GALNTL6: variants seen among roughly 807,000 people sequenced by gnomAD.
The protein encoded by GALNTL6 is polypeptide N-acetylgalactosaminyltransferase-like 6.
A neutral mutation model predicts 73.7 loss-of-function variants in GALNTL6; 46 were observed. That is an observed-to-expected ratio of 0.62 (90% CI 0.49 to 0.80). The LOEUF is 0.80. Among genes scored for constraint, GALNTL6 ranks in the 30% least tolerant of loss-of-function variants. The probability of loss-of-function intolerance (pLI) is 0.00; values close to 1 mark genes in which losing one functional copy is unlikely to be tolerated. For synonymous variants in GALNTL6, 259 were observed against 263.7 expected (o/e 0.98, Z 0.17); for missense variants, 604 against 755.0 (o/e 0.80, Z 2.34).
chr4:172,846,385 T>A (rs1328592577), intron 7 of GALNTL6, among the ~76,000 whole-genome samples: 2 of 152,196 alleles, frequency 1.3e-5, no homozygotes, highest in African/African-American at 4.8e-5. Flanking sequence ...AACTGACTTA[T>A]AAACTGGCAT....
At chr4:172,256,879 C>T (rs1055333727) in intron 3 of GALNTL6, among the ~76,000 whole-genome samples, 7 of 151,328 alleles carry the variant, frequency 4.6e-5, no homozygotes, top group Non-Finnish European at 8.9e-5. Flanking sequence ...GCTTCATTCA[C>T]CTCTATATTC....
At chr4:172,803,686 T>C (rs1368866370) in intron 5 of GALNTL6, among the ~76,000 whole-genome samples, 1 of 152,344 alleles carries the variant, frequency 6.6e-6, no homozygotes, top group South Asian at 2.1e-4. Context: ...TGCAAAAGGG[T>C]GACATTCTAA....
chr4:171,822,172 G>T (rs1734704005), intron 2 of GALNTL6, among the ~76,000 whole-genome samples: 1 of 152,048 alleles, frequency 6.6e-6, no homozygotes, highest in African/African-American at 2.4e-5. Context: ...AGTTTGGCTG[G>T]ATTATTCGAG....
intron 8 of GALNTL6, among the ~76,000 whole-genome samples, chr4:172,916,303 A>G (rs1448399657): frequency 6.6e-6 from 1 of 152,216 alleles, no homozygotes; most frequent in Non-Finnish European, 1.5e-5. Context: ...CTGAATGGGC[A>G]AAAACTGGAA....
chr4:172,577,785 T>C (rs1056932360), intron 5 of GALNTL6, among the ~76,000 whole-genome samples: 1 of 152,162 alleles, frequency 6.6e-6, no homozygotes, highest in Non-Finnish European at 1.5e-5. Context: ...TCATTCATGA[T>C]TTCACCCAGA....
intron 8 of GALNTL6, among the ~76,000 whole-genome samples, chr4:172,898,560 A>C (rs2653823): frequency 0.015 from 2,207 of 152,186 alleles, 51 homozygotes; most frequent in African/African-American, 0.051. Context: ...CCATACAGAA[A>C]TCTCTTAAGT....
rs1488006585 is a variant in GALNTL6, at chr4:172,363,587, C to T, written c.553+14898C>T. ...TCATTCTTCATTACTACTATAGTACCCTCAATCAATACCATTGCAATTTTC... is the reference window on the plus strand; with the variant it reads ...TCATTCTTCATTACTACTATAGTACTCTCAATCAATACCATTGCAATTTTC... On this transcript the variant is annotated intron_variant, in intron 5 of 12. Coordinates refer to ENST00000506823, the MANE Select transcript of GALNTL6 (RefSeq NM_001034845.3). 4.6e-5 allele frequency among the ~76,000 whole-genome samples: 7 copies of T among 152,090 alleles called. No homozygotes were observed. The Middle Eastern group carries it at 0.017, about 370-fold the overall frequency.
At chr4:172,644,806 A>AT (rs1740165144) in intron 5 of GALNTL6, among the ~76,000 whole-genome samples, 1 of 151,934 alleles carries the variant, frequency 6.6e-6, no homozygotes, top group Non-Finnish European at 1.5e-5. Context: ...AGATACTGTT[A>AT]GTTTCCAAAG....
intron 2 of GALNTL6, among the ~76,000 whole-genome samples, chr4:172,165,481 A>T (rs1436663631): frequency 6.6e-6 from 1 of 152,210 alleles, no homozygotes; most frequent in Non-Finnish European, 1.5e-5. Flanking sequence ...AGAGAAACAC[A>T]TTCAATGACT....
At chr4:172,448,897 A>G (rs1322008195) in intron 5 of GALNTL6, among the ~76,000 whole-genome samples, 1 of 152,204 alleles carries the variant, frequency 6.6e-6, no homozygotes, top group Non-Finnish European at 1.5e-5. Context: ...AACACTGGGA[A>G]ATCAGATCTC....
At chr4:172,278,255 TG>T (rs1738904395) in intron 3 of GALNTL6, among the ~76,000 whole-genome samples, 1 of 152,226 alleles carries the variant, frequency 6.6e-6, no homozygotes, top group Admixed American at 6.5e-5. Flanking sequence ...GATATTTCTT[TG>T]TTTATGAACC....
intron 5 of GALNTL6, among the ~76,000 whole-genome samples, chr4:172,503,486 T>G (rs1734333617): frequency 6.8e-6 from 1 of 147,974 alleles, no homozygotes; most frequent in Non-Finnish European, 1.5e-5. Context: ...TCATGAGTGC[T>G]TAAACTATAT....
chr4:172,340,354 G>C, intron 4 of GALNTL6, among the ~76,000 whole-genome samples: 1 of 152,038 alleles, frequency 6.6e-6, no homozygotes, highest in East Asian at 1.9e-4. Flanking sequence ...GCTTGATTAT[G>C]GTGTATGATC....
chr4:172,010,196 T>C (rs1045727563), intron 2 of GALNTL6, among the ~76,000 whole-genome samples: 1 of 152,084 alleles, frequency 6.6e-6, no homozygotes, highest in African/African-American at 2.4e-5. Context: ...CAGTCAGATA[T>C]TTTATACAGT....
chr4:172,241,295 G>T (rs755504909), intron 3 of GALNTL6, among the ~76,000 whole-genome samples: 4 of 152,096 alleles, frequency 2.6e-5, no homozygotes, highest in Admixed American at 6.5e-5. Flanking sequence ...GGTGGTATAC[G>T]CAGTGGAAGG....
chr4:172,466,158 C>A (rs550277974), intron 5 of GALNTL6, among the ~76,000 whole-genome samples: 1 of 152,208 alleles, frequency 6.6e-6, no homozygotes, highest in East Asian at 1.9e-4. Flanking sequence ...GACTGTCTAG[C>A]AAAATCTCAC....
intron 2 of GALNTL6, among the ~76,000 whole-genome samples, chr4:172,091,254 T>A (rs893341437): frequency 2.6e-5 from 4 of 152,198 alleles, no homozygotes; most frequent in African/African-American, 9.6e-5. Context: ...ATTGTTCATA[T>A]AGAGTCTTTT....
At chr4:171,862,305 T>G (rs1377225496) in intron 2 of GALNTL6, among the ~76,000 whole-genome samples, 1 of 152,126 alleles carries the variant, frequency 6.6e-6, no homozygotes, top group African/African-American at 2.4e-5. Context: ...GGTAGTAGTT[T>G]TTCATTCTTT....
chr4:172,264,061 G>A (rs970975106), intron 3 of GALNTL6, among the ~76,000 whole-genome samples: 5 of 151,484 alleles, frequency 3.3e-5, no homozygotes, highest in Admixed American at 1.3e-4. Context: ...GGCAGCTGGG[G>A]GGGTGTGGAT....
Sources: allele counts gnomAD v4.1 joint callset (sites outside exome capture counted in the v4.1 genomes callset), GRCh38; gene constraint gnomAD v4.1.1; transcripts MANE v1.5; gene names NCBI Gene and HGNC (gene_info 2026-07-23, HGNC 2026-07-21).